SPICE1: variants seen among roughly 807,000 people sequenced by gnomAD.
SPICE1 encodes the protein spindle and centriole-associated protein 1.
In SPICE1, 75 loss-of-function variants were observed where a neutral mutation model predicts 102.7. The observed-to-expected ratio is 0.73, with a 90% CI of 0.61 to 0.88. The LOEUF is 0.88. Among genes scored for constraint, SPICE1 ranks in the 40% least tolerant of loss-of-function variants. The pLI, the probability that SPICE1 is intolerant of heterozygous loss-of-function variation, is 0.00. For missense variants in SPICE1, 979 were observed against 1,020.1 expected, an observed-to-expected ratio of 0.96 and a Z score of 0.55; for synonymous variants, 308 against 350.3, an observed-to-expected ratio of 0.88 and a Z score of 1.35.
At chr3:113,445,595 T>G (rs1365420470) in intron 17 of SPICE1, among the ~76,000 whole-genome samples, 1 of 152,166 alleles carries the variant, frequency 6.6e-6, no homozygotes, top group Non-Finnish European at 1.5e-5. Flanking sequence ...TTTTTTTAAG[T>G]CCAGTGTTTT....
Position 113,453,481 on chromosome 3 carries a change from T to C in SPICE1, c.2127A>G (p.Ala709=), listed in dbSNP as rs1196091216. The C allele has an allele frequency of 6.2e-7, 1 of 1,607,520 alleles. No individual in the cohort carries two copies. The highest frequency in any genetic ancestry group is 1.7e-5 in the Admixed American group (1 of 59,574). The change falls in exon 14 of 18, where the codon GCA becomes GCG. Residue 709 remains alanine, a synonymous_variant. Transcript: ENST00000295872. ...TGGTACTCACAGAAGTCATGTCACT[T>C]GCACTTTCTTGTTTGTTCAACTCCC... The part of the protein sequence containing the change: ...GLRELNKQES[A]SDMTSTFPVA...
intron 7 of SPICE1, among the ~76,000 whole-genome samples, chr3:113,487,968 T>C (rs1936682422): frequency 6.6e-6 from 1 of 152,070 alleles, no homozygotes; most frequent in South Asian, 2.1e-4. Context: ...TTCAAAACTA[T>C]AAAAATGTCA....
intron 7 of SPICE1, among the ~76,000 whole-genome samples, chr3:113,484,666 G>T (rs1469932529): frequency 1.3e-5 from 2 of 152,152 alleles, no homozygotes; most frequent in East Asian, 3.9e-4. Flanking sequence ...AGGTTGTTCA[G>T]TTTCCACGTA....
At chr3:113,497,707 C>CTTTTTTTT (rs1165475734) in intron 4 of SPICE1, among the ~76,000 whole-genome samples, 2 of 91,340 alleles carry the variant, frequency 2.2e-5, no homozygotes, top group African/African-American at 4.6e-5. Flanking sequence ...AGAAAGAGAG[C>CTTTTTTTT]TTTTTTTTTT....
rs959287185 is a variant in SPICE1 at position 113,506,683 on chromosome 3, GA to G, written c.1-79del. The G allele has an allele frequency of 1.9e-3, 1,656 of 874,224 alleles. 18 individuals carry two copies. In the African/African-American group the frequency reaches 0.022, roughly 12 times the overall value. The allele number at this position is 874,224 out of a possible 1,614,324, so 54.2% of individuals were successfully genotyped here. ...ATCACCAGAGTGGGGGAAGACACCT[GA>G]AAAAAAAAACAAATTTTAAAATGCC... is the stretch of plus-strand genomic sequence containing the variant. On this transcript the variant is annotated intron_variant, in intron 1 of 17. Transcript: ENST00000295872.
chr3:113,471,285 T>C (rs1248451061), intron 7 of SPICE1, among the ~76,000 whole-genome samples: 1 of 152,172 alleles, frequency 6.6e-6, no homozygotes, highest in Non-Finnish European at 1.5e-5. Flanking sequence ...AGGCCCTAAA[T>C]GCAATCACAT....
At chr3:113,461,234 C>T (rs1205269251) in intron 11 of SPICE1, among the ~76,000 whole-genome samples, 1 of 151,498 alleles carries the variant, frequency 6.6e-6, no homozygotes, top group Non-Finnish European at 1.5e-5. Context: ...ATATTAATTA[C>T]AACTTGATTT....
chr3:113,481,105 G>A (rs946148237), intron 7 of SPICE1, among the ~76,000 whole-genome samples: 1 of 151,986 alleles, frequency 6.6e-6, no homozygotes, highest in Non-Finnish European at 1.5e-5. Context: ...TAGATAACAA[G>A]GAAAACAATG....
chr3:113,448,688 T>C (rs1935572894), intron 15 of SPICE1: 1 of 152,186 alleles, frequency 6.6e-6, no homozygotes, highest in Non-Finnish European at 1.5e-5. Flanking sequence ...TTACTAAGTA[T>C]TTACTAATGA....
chr3:113,454,100 C>G (rs1274906354), intron 13 of SPICE1, 150 bp from the exon 14 acceptor site: 1 of 703,988 alleles, frequency 1.4e-6, no homozygotes, highest in Non-Finnish European at 2.3e-6. Context: ...CAGCAGAGAA[C>G]ACACCAGCAA....
intron 4 of SPICE1, among the ~76,000 whole-genome samples, chr3:113,496,414 T>A: frequency 8.8e-6 from 1 of 114,040 alleles, no homozygotes; most frequent in East Asian, 3.5e-4. Flanking sequence ...AGGATCCCAG[T>A]CTCTACAAAA....
At chr3:113,491,624 CAAAAAAAAAAAA>C (rs869171154) in intron 6 of SPICE1, among the ~76,000 whole-genome samples, 3 of 38,100 alleles carry the variant, frequency 7.9e-5, no homozygotes, top group Admixed American at 5.5e-4. Context: ...GACTCCGTCT[CAAAAAAAAAAAA>C]AAAAAAAAAA....
At chr3:113,503,931 T>TAAAAAAAA (rs34217669) in intron 2 of SPICE1, among the ~76,000 whole-genome samples, 3 of 95,500 alleles carry the variant, frequency 3.1e-5, no homozygotes, top group Admixed American at 1.2e-4. Flanking sequence ...AGTTTCTATC[T>TAAAAAAAA]AAAAAAAAAA....
chr3:113,463,984 C>T (rs180932829), intron 11 of SPICE1, among the ~76,000 whole-genome samples: 4 of 151,978 alleles, frequency 2.6e-5, no homozygotes, highest in African/African-American at 4.8e-5. Flanking sequence ...AGGAGAATGG[C>T]GTGAACACGA....
At chr3:113,503,252 T>TAAA in intron 2 of SPICE1, 25 bp from the exon 3 acceptor site, 13 of 1,281,608 alleles carry the variant, frequency 1.0e-5, no homozygotes, top group Admixed American at 5.3e-5. Flanking sequence ...GGCCTTTCTT[T>TAAA]AAAAAAAAAA....
intron 15 of SPICE1, chr3:113,449,327 C>T (rs1276532827): frequency 1.5e-5 from 2 of 129,684 alleles, no homozygotes; most frequent in Non-Finnish European, 3.3e-5. Context: ...AGTACATGTT[C>T]GCACATAGTA....
intron 10 of SPICE1, among the ~76,000 whole-genome samples, chr3:113,467,747 T>C (rs1050091698): frequency 6.6e-6 from 1 of 152,220 alleles, no homozygotes; most frequent in African/African-American, 2.4e-5. Flanking sequence ...TTATAGGCAA[T>C]GCCACTCTCC....
In SPICE1 at chr3:113,472,600, C is replaced by T. The variant is rs575326093; in HGVS notation, c.612-3362G>A. ...CTCTGAGACAAAAATTCCAGAGGAACGATCAGACAGCAGCATTCGCGGTTC... is the reference window on the plus strand; with the variant it reads ...CTCTGAGACAAAAATTCCAGAGGAATGATCAGACAGCAGCATTCGCGGTTC... On this transcript the variant is annotated intron_variant, in intron 7 of 17. Transcript: ENST00000295872. Among the ~76,000 whole-genome samples the T allele has an allele frequency of 9.2e-5, 14 of 152,274 alleles. No individual in the cohort carries two copies. The South Asian group carries it at 2.7e-3, about 29-fold the overall frequency.
intron 15 of SPICE1, chr3:113,450,020 T>G: frequency 4.1e-6 from 1 of 246,568 alleles, no homozygotes. Flanking sequence ...CATTCAGATA[T>G]TTCATGCTTA....
Sources: allele counts gnomAD v4.1 joint callset (sites outside exome capture counted in the v4.1 genomes callset), GRCh38; gene constraint gnomAD v4.1.1; transcripts MANE v1.5; gene names NCBI Gene and HGNC (gene_info 2026-07-23, HGNC 2026-07-21).